The following SYNE2 variants were observed in gnomAD, a reference collection of about 807,000 sequenced individuals.
SYNE2 encodes spectrin repeat containing nuclear envelope protein 2, also known as nesprin-2.
SYNE2 carries 431 observed loss-of-function variants against 856.3 expected under a neutral mutation model. The observed-to-expected ratio is 0.50, with a 90% CI of 0.47 to 0.55. The LOEUF (loss-of-function observed/expected upper bound fraction) is 0.55, where lower values mean the gene tolerates loss of function less well. Among genes scored for constraint, SYNE2 ranks in the 20% least tolerant of loss-of-function variants. The pLI, the probability that SYNE2 is intolerant of heterozygous loss-of-function variation, is 0.00. For missense variants in SYNE2, 8,129 were observed against 8,023.2 expected, an observed-to-expected ratio of 1.01 and a Z score of -0.50; for synonymous variants, 2,923 against 2,872.3, an observed-to-expected ratio of 1.02 and a Z score of -0.56.
At chr14:63,829,435 A>G (rs1428802531) in intron 1 of SYNE2, among the ~76,000 whole-genome samples, 2 of 152,030 alleles carry the variant, frequency 1.3e-5, no homozygotes, top group East Asian at 3.9e-4. Context: ...ACAAACAAAA[A>G]AAAACAAAAA....
chr14:63,796,304 C>T (rs1566571347), intron 1 of SYNE2, among the ~76,000 whole-genome samples: 1 of 152,124 alleles, frequency 6.6e-6, no homozygotes, highest in South Asian at 2.1e-4. Flanking sequence ...ACTAAAAATA[C>T]AAATATTAGC....
chr14:64,126,237 A>T lies in SYNE2; in HGVS notation c.13555-90A>T, dbSNP rs528381398. The T allele has an allele frequency of 3.0e-5, 35 of 1,165,036 alleles. No homozygotes were observed. In the East Asian group the frequency reaches 7.5e-4, roughly 25 times the overall value. 72.2% of individuals were successfully genotyped at this position (1,165,036 alleles called of 1,614,324 possible). A position where few individuals can be genotyped will look rare whatever the true frequency, so the allele number is the denominator to read the frequency against. ...TTATTACAAAAGAAGCATAACATAA[A>T]TCATAAACTATAATGGAAACTAGGC... is the stretch of plus-strand genomic sequence containing the variant. On this transcript the variant is annotated intron_variant, in intron 71 of 115. Transcript: ENST00000555002.
intron 68 of SYNE2, among the ~76,000 whole-genome samples, chr14:64,121,548 A>C (rs1469122011): frequency 1.3e-5 from 2 of 152,150 alleles, no homozygotes; most frequent in African/African-American, 2.4e-5. Context: ...AACAAACAAA[A>C]AAAAGCTTTC....
intron 69 of SYNE2, 31 bp from the exon 70 acceptor site, chr14:64,122,255 A>G: frequency 6.2e-7 from 1 of 1,614,176 alleles, no homozygotes; most frequent in Non-Finnish European, 8.5e-7. Context: ...AGTGTTGATT[A>G]TTCTCTTCAC....
intron 2 of SYNE2, among the ~76,000 whole-genome samples, chr14:63,912,617 A>C (rs923580829): frequency 6.6e-6 from 1 of 152,216 alleles, no homozygotes; most frequent in African/African-American, 2.4e-5. Context: ...GAATGGCCTA[A>C]TTAACTTATA....
intron 1 of SYNE2, among the ~76,000 whole-genome samples, chr14:63,832,915 C>T (rs1396784158): frequency 6.7e-6 from 1 of 150,360 alleles, no homozygotes; most frequent in East Asian, 1.9e-4. Flanking sequence ...TGGCACGTGC[C>T]TATAGTCCCA....
chr14:64,143,898 G>A lies in SYNE2; in HGVS notation c.15433G>A (p.Gly5145Arg). 1.2e-6 allele frequency: 2 copies of A among 1,614,204 alleles called. No individual in the cohort carries two copies. The highest frequency in any genetic ancestry group is 1.7e-6 in the Non-Finnish European group (2 of 1,180,022). Residue 5145 changes from glycine (G) to arginine (R), a missense_variant, in exon 83 of 116, where the codon GGG (glycine) becomes AGG (arginine). Transcript: ENST00000555002. ...YERTEFAEHL[G>R]EMNRQWHRVH... is the part of the protein sequence containing the mutation. Reference sequence around the variant, plus strand: ...AAGAACGGAGTTTGCAGAGCACCTGGGGGAGATGAACCGCCAGTGGCACCG... The same window carrying A: ...AAGAACGGAGTTTGCAGAGCACCTGAGGGAGATGAACCGCCAGTGGCACCG...
intron 1 of SYNE2, among the ~76,000 whole-genome samples, chr14:63,815,581 G>GAT (rs2139846654): frequency 6.6e-6 from 1 of 151,958 alleles, no homozygotes; most frequent in South Asian, 2.1e-4. Context: ...CACCCTCATA[G>GAT]ACACACCCAG....
chr14:63,875,911 G>T (rs1346485472), intron 1 of SYNE2, among the ~76,000 whole-genome samples: 1 of 152,244 alleles, frequency 6.6e-6, no homozygotes, highest in East Asian at 1.9e-4. Flanking sequence ...GTGACTTGAT[G>T]CGAGAAACCC....
At chr14:64,095,760 A>T (rs151330405) in intron 61 of SYNE2, among the ~76,000 whole-genome samples, 1 of 152,298 alleles carries the variant, frequency 6.6e-6, no homozygotes, top group African/African-American at 2.4e-5. Flanking sequence ...CTAAAAATAC[A>T]TACTGCTGTG....
chr14:63,802,175 T>G (rs112352566), intron 1 of SYNE2, among the ~76,000 whole-genome samples: 1 of 34,110 alleles, frequency 2.9e-5, no homozygotes, highest in Non-Finnish European at 8.0e-5. Context: ...GGCATAATCT[T>G]GGCTTACTGC....
At chr14:64,201,945 G>A (rs935197419) in intron 99 of SYNE2, among the ~76,000 whole-genome samples, 5 of 152,192 alleles carry the variant, frequency 3.3e-5, no homozygotes, top group South Asian at 4.1e-4. Context: ...TAAGGAAAGC[G>A]GTTTATTGGA....
intron 1 of SYNE2, among the ~76,000 whole-genome samples, chr14:63,862,120 C>T (rs1400740695): frequency 6.6e-6 from 1 of 152,106 alleles, no homozygotes; most frequent in Non-Finnish European, 1.5e-5. Flanking sequence ...TATTAAAGTG[C>T]TAGAAATGAA....
intron 57 of SYNE2, among the ~76,000 whole-genome samples, chr14:64,087,016 A>G (rs944224163): frequency 2.8e-5 from 4 of 141,660 alleles, no homozygotes; most frequent in African/African-American, 1.1e-4. Context: ...GGCCCAGTAT[A>G]CATTTCTTGC....
chr14:63,930,738 G>A (rs2095742630), intron 2 of SYNE2, among the ~76,000 whole-genome samples: 1 of 152,068 alleles, frequency 6.6e-6, no homozygotes, highest in African/African-American at 2.4e-5. Flanking sequence ...GTTTCACCAT[G>A]TTGACCAGGC....
chr14:63,942,113 C>T lies in SYNE2; in HGVS notation c.378C>T (p.Gly126=). The part of the protein sequence containing the change: ...IIDGNPSIIL[G]LIWTIILHFH... ...ATGGAAACCCATCCATTATCCTTGG[C>T]CTAATTTGGACAATTATCCTGCACT... The change falls in exon 6 of 116, where the codon GGC becomes GGT. Residue 126 remains glycine (G), a synonymous_variant. Coordinates refer to ENST00000555002, the MANE Select transcript of SYNE2 (RefSeq NM_182914.3). 2 of 1,608,272 alleles carry T rather than the reference C, an allele frequency of 1.2e-6. No homozygotes were observed. Among genetic ancestry groups the T allele is most frequent in the Non-Finnish European group, 1.7e-6 (2 of 1,175,616 alleles).
At chr14:63,886,066 C>A (rs952854410) in intron 1 of SYNE2, among the ~76,000 whole-genome samples, 1 of 152,160 alleles carries the variant, frequency 6.6e-6, no homozygotes, top group Non-Finnish European at 1.5e-5. Flanking sequence ...AGCCCTACCC[C>A]ACCTGTGTTG....
intron 1 of SYNE2, among the ~76,000 whole-genome samples, chr14:63,859,246 T>C (rs181406371): frequency 2.5e-4 from 38 of 152,348 alleles, no homozygotes; most frequent in Non-Finnish European, 1.3e-4. Flanking sequence ...TTGAGGTTTA[T>C]TAATTTTATT....
intron 49 of SYNE2, among the ~76,000 whole-genome samples, chr14:64,057,481 TC>T (rs2097281831): frequency 6.6e-6 from 1 of 152,170 alleles, no homozygotes; most frequent in Non-Finnish European, 1.5e-5. Context: ...TAAATAATAC[TC>T]CTTTGTGTGT....
Sources: allele counts gnomAD v4.1 joint callset (sites outside exome capture counted in the v4.1 genomes callset), GRCh38; gene constraint gnomAD v4.1.1; transcripts MANE v1.5; gene names NCBI Gene and HGNC (gene_info 2026-07-23, HGNC 2026-07-21).